Variants in LDLRAD3 observed in about 807,000 individuals in gnomAD.
The protein encoded by LDLRAD3 is low-density lipoprotein receptor class A domain-containing protein 3.
Under a neutral mutation model 29.4 loss-of-function variants are expected in LDLRAD3, and 20 were observed. The observed-to-expected ratio is 0.68, with a 90% CI of 0.48 to 0.99. LDLRAD3 has a LOEUF of 0.99. LDLRAD3 is among the 50% of genes least tolerant of loss of function. The pLI is 0.00. For synonymous variants in LDLRAD3, 157 were observed against 192.7 expected, an observed-to-expected ratio of 0.81 and a Z score of 1.53; for missense variants, 420 against 454.3, an observed-to-expected ratio of 0.92 and a Z score of 0.69.
At chr11:36,108,649 C>G (rs986147096) in intron 4 of LDLRAD3, among the ~76,000 whole-genome samples, 6 of 151,920 alleles carry the variant, frequency 3.9e-5, no homozygotes, top group African/African-American at 1.5e-4. Flanking sequence ...GGAGGGTCAG[C>G]GGAGAAGGAT....
At chr11:36,223,890 A>G (rs542987019) in intron 4 of LDLRAD3, among the ~76,000 whole-genome samples, 1 of 151,934 alleles carries the variant, frequency 6.6e-6, no homozygotes, top group East Asian at 1.9e-4. Context: ...AAGAACAGCA[A>G]CACTAAAATC....
intron 4 of LDLRAD3, among the ~76,000 whole-genome samples, chr11:36,138,676 T>G (rs1854036606): frequency 6.6e-6 from 1 of 152,362 alleles, no homozygotes; most frequent in East Asian, 1.9e-4. Context: ...CAAGCTGCCC[T>G]TACACATCTT....
At chr11:36,160,557 T>C (rs2133337532) in intron 4 of LDLRAD3, among the ~76,000 whole-genome samples, 1 of 152,266 alleles carries the variant, frequency 6.6e-6, no homozygotes, top group East Asian at 1.9e-4. Context: ...AGGGGTCAGT[T>C]TTTTCCCTTA....
intron 3 of LDLRAD3, among the ~76,000 whole-genome samples, chr11:36,091,701 A>G (rs573745132): frequency 1.3e-5 from 2 of 152,330 alleles, no homozygotes; most frequent in East Asian, 3.9e-4. Context: ...CTCCCCAGTT[A>G]ACTGAGTAAC....
Position 36,103,394 on chromosome 11 carries a change from C to T in LDLRAD3, c.454+4933C>T, listed in dbSNP as rs532172894. Among the ~76,000 whole-genome samples, 220 of 152,136 alleles carry T rather than the reference C, an allele frequency of 1.4e-3. 1 individual carries two copies. The highest frequency in any genetic ancestry group is 4.9e-3 in the African/African-American group (205 of 41,502). Reference sequence around the variant, plus strand: ...CTGGGACTACAGGCGCCCACCACCACGCCCAGCTAATTTTTTTGTATTTTT... The same window carrying T: ...CTGGGACTACAGGCGCCCACCACCATGCCCAGCTAATTTTTTTGTATTTTT... On this transcript the variant is annotated intron_variant, in intron 4 of 5. Coordinates refer to ENST00000315571, the MANE Select transcript of LDLRAD3 (RefSeq NM_174902.4).
chr11:35,955,069 A>G (rs754650513), intron 1 of LDLRAD3, among the ~76,000 whole-genome samples: 24 of 152,142 alleles, frequency 1.6e-4, no homozygotes, highest in Non-Finnish European at 3.1e-4. Context: ...ACATGGCGAA[A>G]CATCATCTCT....
chr11:36,018,706 C>G (rs1852054286), intron 1 of LDLRAD3, among the ~76,000 whole-genome samples: 1 of 152,184 alleles, frequency 6.6e-6, no homozygotes, highest in African/African-American at 2.4e-5. Flanking sequence ...TATACTCCCA[C>G]CAGTAGGGTC....
chr11:36,090,079 C>T (rs556055701), intron 3 of LDLRAD3, among the ~76,000 whole-genome samples: 17 of 152,290 alleles, frequency 1.1e-4, no homozygotes, highest in African/African-American at 3.9e-4. Flanking sequence ...ATTTTTCCAA[C>T]ATCATATAGC....
At chr11:36,156,573 T>G (rs1230865171) in intron 4 of LDLRAD3, among the ~76,000 whole-genome samples, 1 of 152,214 alleles carries the variant, frequency 6.6e-6, no homozygotes, top group Non-Finnish European at 1.5e-5. Context: ...GGGTTTTGTT[T>G]GTTTACCCAC....
At chr11:36,131,071 G>A (rs1177070560) in intron 4 of LDLRAD3, among the ~76,000 whole-genome samples, 3 of 152,170 alleles carry the variant, frequency 2.0e-5, no homozygotes, top group Non-Finnish European at 4.4e-5. Flanking sequence ...GGCTCAAAGG[G>A]TGGCCAACCA....
At chr11:36,104,063 C>T (rs1466998360) in intron 4 of LDLRAD3, among the ~76,000 whole-genome samples, 3 of 152,172 alleles carry the variant, frequency 2.0e-5, no homozygotes, top group African/African-American at 4.8e-5. Context: ...CTGTCAGTCC[C>T]GAGGTTAGAT....
intron 2 of LDLRAD3, among the ~76,000 whole-genome samples, chr11:36,066,952 C>T (rs1006683109): frequency 1.3e-5 from 2 of 152,206 alleles, no homozygotes; most frequent in African/African-American, 2.4e-5. Context: ...CTGCCTCGCT[C>T]CCAGACGCAT....
chr11:36,097,390 C>T (rs1181706273), intron 3 of LDLRAD3, among the ~76,000 whole-genome samples: 1 of 152,232 alleles, frequency 6.6e-6, no homozygotes, highest in Admixed American at 6.5e-5. Flanking sequence ...CAATCCCTGC[C>T]TCAGCTACTC....
intron 1 of LDLRAD3, among the ~76,000 whole-genome samples, chr11:36,016,125 G>C (rs911707256): frequency 1.2e-4 from 19 of 152,226 alleles, no homozygotes; most frequent in African/African-American, 4.3e-4. Flanking sequence ...CTGAGGTGTG[G>C]GCCTCTTGTG....
intron 4 of LDLRAD3, among the ~76,000 whole-genome samples, chr11:36,208,203 G>T (rs1855236505): frequency 6.6e-6 from 1 of 152,174 alleles, no homozygotes; most frequent in African/African-American, 2.4e-5. Flanking sequence ...ACCTGAAAGT[G>T]TTCCCCGTGG....
intron 1 of LDLRAD3, among the ~76,000 whole-genome samples, chr11:35,948,297 G>A (rs1447079485): frequency 6.6e-6 from 1 of 152,092 alleles, no homozygotes; most frequent in African/African-American, 2.4e-5. Context: ...TTGGTTGTTG[G>A]GTTTTCTTGT....
intron 1 of LDLRAD3, among the ~76,000 whole-genome samples, chr11:35,986,079 G>T (rs1590706362): frequency 6.7e-6 from 1 of 149,924 alleles, no homozygotes; most frequent in East Asian, 1.9e-4. Flanking sequence ...GTTCATGAGA[G>T]ACATTCATAT....
chr11:35,945,065 C>G (rs1451768088), intron 1 of LDLRAD3, among the ~76,000 whole-genome samples: 1 of 152,226 alleles, frequency 6.6e-6, no homozygotes, highest in African/African-American at 2.4e-5. Flanking sequence ...GCCCTTGGCC[C>G]CTTGACGTTT....
chr11:36,188,288 A>T (rs1394407767), intron 4 of LDLRAD3, among the ~76,000 whole-genome samples: 2 of 146,988 alleles, frequency 1.4e-5, no homozygotes, highest in African/African-American at 5.0e-5. Context: ...GAATACTCAC[A>T]TTTACCTCTG....
Sources: allele counts gnomAD v4.1 joint callset (sites outside exome capture counted in the v4.1 genomes callset), GRCh38; gene constraint gnomAD v4.1.1; transcripts MANE v1.5; gene names NCBI Gene and HGNC (gene_info 2026-07-23, HGNC 2026-07-21).